Variants in KXD1 observed in about 807,000 individuals in gnomAD.
The protein encoded by KXD1 is kxDL motif-containing protein 1.
Under a neutral mutation model 12.1 loss-of-function variants are expected in KXD1, and 5 were observed. The ratio of observed to expected loss-of-function variants is 0.41; its 90% CI spans 0.22 to 0.87. KXD1 has a LOEUF of 0.87. Ranked by LOEUF, KXD1 falls within the 40% of genes least tolerant of loss-of-function variation. The probability of loss-of-function intolerance (pLI) is 0.31; values close to 1 mark genes in which losing one functional copy is unlikely to be tolerated. For synonymous variants in KXD1, 98 were observed against 100.5 expected (o/e 0.98, Z 0.15); for missense variants, 193 against 244.9 (o/e 0.79, Z 1.41).
chr19:18,561,899 A>G, intron 1 of KXD1, 137 bp from the exon 2 acceptor site: 1 of 527,606 alleles, frequency 1.9e-6, no homozygotes, highest in Non-Finnish European at 3.3e-6. Flanking sequence ...GGCATGACTG[A>G]GCCACAGTCA....
intron 2 of KXD1, among the ~76,000 whole-genome samples, chr19:18,564,219 G>C (rs1158369365): frequency 6.6e-6 from 1 of 152,070 alleles, no homozygotes; most frequent in East Asian, 1.9e-4. Flanking sequence ...TTCAGACCTG[G>C]CTCTGGGAAA....
chr19:18,564,895 A>T lies in KXD1; in HGVS notation c.128A>T (p.Glu43Val), dbSNP rs371951354. The T allele has an allele frequency of 1.6e-5, 26 of 1,613,736 alleles. No homozygotes were observed. Among genetic ancestry groups the T allele is most frequent in the Non-Finnish European group, 2.2e-5 (26 of 1,180,042 alleles). The change falls in exon 3 of 5, where the codon GAG (glutamate) becomes GTG (valine). Residue 43 changes from glutamate (E) to valine (V), a missense_variant. Transcript: ENST00000222307. ...CTGGACCGCTTTGAGAAGACCAATG[A>T]GATGCTGCTCAACTTCAACAACCTG... ...NMLDRFEKTN[E>V]MLLNFNNLSS...
intron 1 of KXD1, chr19:18,559,194 C>G (rs4808819): frequency 0.99 from 150,811 of 152,080 alleles, 74,779 homozygotes; most frequent in Middle Eastern, 1. Context: ...TCACCATGTT[C>G]ACCAGGCTAG....
intron 4 of KXD1, 93 bp downstream of exon 4, chr19:18,567,271 G>C (rs1398781423): frequency 1.5e-6 from 2 of 1,317,946 alleles, no homozygotes; most frequent in Non-Finnish European, 2.2e-6. Flanking sequence ...CTGATACTGA[G>C]ACCAGGCTGT....
chr19:18,563,222 T>C (rs1464112524), intron 2 of KXD1, among the ~76,000 whole-genome samples: 1 of 152,188 alleles, frequency 6.6e-6, no homozygotes, highest in Admixed American at 6.5e-5. Context: ...GCTTTGTTTT[T>C]GTGTCTCTGA....
At chr19:18,568,316 G>A in intron 4 of KXD1, 86 bp from the exon 5 acceptor site, 2 of 932,668 alleles carry the variant, frequency 2.1e-6, no homozygotes, top group African/African-American at 1.6e-5. Context: ...GGTGAGGGCA[G>A]CCGTTAGGGG....
In KXD1 at chr19:18,568,565, C is replaced by T; in HGVS notation, c.465C>T (p.Val155=). Residue 155 remains valine, a synonymous_variant, in exon 5 of 5, where the codon GTC becomes GTT. Transcript: ENST00000222307. ...LSPGFEDLSH[V]QPGSPAINGR... ...CCGGCTTCGAGGACCTGTCCCATGT[C>T]CAGCCTGGCTCCCCAGCCATCAACG... The T allele has an allele frequency of 1.2e-6, 2 of 1,613,874 alleles. No homozygotes were observed. Among genetic ancestry groups the T allele is most frequent in the South Asian group, 2.2e-5 (2 of 91,086 alleles).
intron 4 of KXD1, chr19:18,567,457 C>T: frequency 5.7e-6 from 4 of 703,348 alleles, no homozygotes; most frequent in Non-Finnish European, 1.0e-5. Context: ...GCATTATGAG[C>T]CATCTCAGAA....
rs760835332 is a variant in KXD1, at chr19:18,568,663, G to A, written c.*32G>A. 9.8e-6 allele frequency: 15 copies of A among 1,534,680 alleles called. No individual in the cohort carries two copies. Among genetic ancestry groups the A allele is most frequent in the Non-Finnish European group, 1.2e-5 (14 of 1,120,532 alleles). ...TGCCCGGTGCCTTGAGGGGGTCTCA[G>A]GGCAGCAGCATACAAGGTGGCAGCG... On this transcript the variant is annotated 3_prime_UTR_variant, in exon 5 of 5. Transcript: ENST00000222307.
Position 18,567,159 on chromosome 19 carries a change from G to A in KXD1, c.282G>A (p.Gln94=), listed in dbSNP as rs1183186486. Residue 94 remains glutamine, a synonymous_variant, in exon 4 of 5, where the codon CAG becomes CAA. Transcript: ENST00000222307. The part of the protein sequence containing the change: ...IRTLKGKLAR[Q]HPEAFSHIPE... Reference sequence around the variant, plus strand: ...CGCTGAAAGGGAAACTGGCCAGGCAGCACCCAGAGGCCTTCAGCCGTAAGT... The same window carrying A: ...CGCTGAAAGGGAAACTGGCCAGGCAACACCCAGAGGCCTTCAGCCGTAAGT... 6.2e-7 allele frequency: 1 copy of A among 1,614,174 alleles called. No individual in the cohort carries two copies.
chr19:18,564,239 T>C (rs975527899), intron 2 of KXD1, among the ~76,000 whole-genome samples: 1 of 152,008 alleles, frequency 6.6e-6, no homozygotes, highest in African/African-American at 2.4e-5. Flanking sequence ...ACTTCTAGAC[T>C]GAGGGGAGAC....
chr19:18,568,160 A>G (rs2314667), intron 4 of KXD1, among the ~76,000 whole-genome samples: 97,419 of 151,572 alleles, frequency 0.64, 31,713 homozygotes, highest in African/African-American at 0.75. Flanking sequence ...TCAGCTACTC[A>G]GGAGGTTAAG....
intron 2 of KXD1, among the ~76,000 whole-genome samples, chr19:18,563,653 G>A (rs1162531046): frequency 6.6e-6 from 1 of 152,034 alleles, no homozygotes. Context: ...ACAGGTGTGC[G>A]CCACCACGGC....
At chr19:18,561,168 C>A (rs779897137) in intron 1 of KXD1, among the ~76,000 whole-genome samples, 1 of 151,210 alleles carries the variant, frequency 6.6e-6, no homozygotes, top group Non-Finnish European at 1.5e-5. Context: ...TTTGGGAGGC[C>A]AAGGCAAAAG....
At chr19:18,562,014 A>C in intron 1 of KXD1, 22 bp from the exon 2 acceptor site, 3 of 1,540,168 alleles carry the variant, frequency 1.9e-6, no homozygotes, top group Non-Finnish European at 2.7e-6. Context: ...AGTGCAGACC[A>C]CTCTGTTCTT....
In KXD1 at chr19:18,565,103, G is replaced by C. The variant is rs568388603; in HGVS notation, c.254+82G>C. 9.7e-5 allele frequency: 150 copies of C among 1,554,226 alleles called. No individual in the cohort carries two copies. The African/African-American group carries it at 1.7e-3, about 17-fold the overall frequency. ...AGCCTCAGTTTCCTTCACATACCAG[G>C]GTAAAGGGAGATTTCTGTTTGTTTT... On this transcript the variant is annotated intron_variant, in intron 3 of 4. Coordinates refer to ENST00000222307, the MANE Select transcript of KXD1 (RefSeq NM_024069.4).
intron 3 of KXD1, 85 bp downstream of exon 3, chr19:18,565,106 A>G: frequency 1.3e-6 from 2 of 1,554,304 alleles, no homozygotes; most frequent in Non-Finnish European, 1.7e-6. Flanking sequence ...ATACCAGGGT[A>G]AAGGGAGATT....
At chr19:18,565,074 T>C (rs1975139802) in intron 3 of KXD1, 53 bp downstream of exon 3, 1 of 1,586,282 alleles carries the variant, frequency 6.3e-7, no homozygotes, top group Non-Finnish European at 8.5e-7. Context: ...CACCTCCCCA[T>C]CTGAGCCTCA....
At chr19:18,561,934 C>T in intron 1 of KXD1, 102 bp from the exon 2 acceptor site, 4 of 653,214 alleles carry the variant, frequency 6.1e-6, no homozygotes, top group Non-Finnish European at 1.0e-5. Context: ...AGGATACCAC[C>T]ACGGTTGGGT....
Sources: allele counts gnomAD v4.1 joint callset (sites outside exome capture counted in the v4.1 genomes callset), GRCh38; gene constraint gnomAD v4.1.1; transcripts MANE v1.5; gene names NCBI Gene and HGNC (gene_info 2026-07-23, HGNC 2026-07-21).